NEO1: variants seen among roughly 807,000 people sequenced by gnomAD.
NEO1 encodes the protein neogenin.
NEO1 carries 63 observed loss-of-function variants against 159.7 expected under a neutral mutation model. The observed-to-expected ratio is 0.39, with a 90% CI of 0.32 to 0.49. NEO1 has a LOEUF of 0.49. NEO1 is among the 20% of genes least tolerant of loss of function. The pLI is 0.85. For synonymous variants in NEO1, 633 were observed against 662.0 expected (o/e 0.96, Z 0.67); for missense variants, 1,615 against 1,831.0 (o/e 0.88, Z 2.15).
At chr15:73,284,890 G>A (rs2041883716) in intron 23 of NEO1, among the ~76,000 whole-genome samples, 1 of 152,006 alleles carries the variant, frequency 6.6e-6, no homozygotes, top group African/African-American at 2.4e-5. Context: ...GCCCGGCCCT[G>A]TCTACTTTTA....
chr15:73,147,814 T>A (rs935367308), intron 5 of NEO1, among the ~76,000 whole-genome samples: 8 of 99,474 alleles, frequency 8.0e-5, no homozygotes, highest in Admixed American at 5.3e-4. Context: ...ATTGGTGGAA[T>A]GTCTTTTTTT....
intron 11 of NEO1, among the ~76,000 whole-genome samples, chr15:73,251,235 G>A (rs1168681553): frequency 6.6e-6 from 1 of 152,086 alleles, no homozygotes; most frequent in Admixed American, 6.5e-5. Context: ...GGGAGGCTTG[G>A]TGCAGTGGCT....
intron 9 of NEO1, among the ~76,000 whole-genome samples, chr15:73,247,772 C>T (rs1268984239): frequency 6.6e-6 from 1 of 152,156 alleles, no homozygotes; most frequent in Admixed American, 6.5e-5. Context: ...AAAGTGTAGG[C>T]ATAGACAGCC....
intron 1 of NEO1, among the ~76,000 whole-genome samples, chr15:73,071,447 T>G (rs942111330): frequency 6.6e-6 from 1 of 152,226 alleles, no homozygotes; most frequent in Non-Finnish European, 1.5e-5. Context: ...TGTTTGAGAA[T>G]GAACTCCTCC....
At chr15:73,133,900 A>C (rs541245715) in intron 4 of NEO1, among the ~76,000 whole-genome samples, 43 of 152,316 alleles carry the variant, frequency 2.8e-4, no homozygotes, top group African/African-American at 1.0e-3. Context: ...GTACTCACAT[A>C]TGCCAAATAT....
At chr15:73,060,199 CTTT>C (rs2067911468) in intron 1 of NEO1, among the ~76,000 whole-genome samples, 1 of 151,966 alleles carries the variant, frequency 6.6e-6, no homozygotes, top group African/African-American at 2.4e-5. Flanking sequence ...ATTTGAAAAT[CTTT>C]TTGGTTAATT....
At chr15:73,299,622 T>C (rs1377584818) in intron 27 of NEO1, among the ~76,000 whole-genome samples, 1 of 152,222 alleles carries the variant, frequency 6.6e-6, no homozygotes. Context: ...CCTGACCTCG[T>C]GATCCGCCCA....
In NEO1 at chr15:73,122,671, A is replaced by C; in HGVS notation, c.595A>C (p.Ile199Leu). Reference protein sequence around the residue: ...RQPLLLDDRVIKLPSGMLVIS... With the variant: ...RQPLLLDDRVLKLPSGMLVIS... ...ACCCCTTCTTCTGGATGATAGAGTT[A>C]TCAAACTTCCAAGTGGAATGCTGGT... is the stretch of plus-strand genomic sequence containing the variant. The change falls in exon 3 of 29, where the codon ATC (isoleucine) becomes CTC (leucine). Residue 199 changes from isoleucine (I) to leucine (L), a missense_variant. Physicochemically the swap from Ile to Leu is conservative, Grantham distance 5. This residue lies in a region of NEO1 where 1,018 missense variants were observed against 1,115.4 expected (regional missense o/e 0.91). Coordinates refer to ENST00000261908, the MANE Select transcript of NEO1 (RefSeq NM_002499.4). The C allele has an allele frequency of 6.2e-7, 1 of 1,614,172 alleles. No individual in the cohort carries two copies. Among genetic ancestry groups the C allele is most frequent in the Non-Finnish European group, 8.5e-7 (1 of 1,180,022 alleles).
At chr15:73,062,983 C>T (rs2068048630) in intron 1 of NEO1, among the ~76,000 whole-genome samples, 1 of 152,182 alleles carries the variant, frequency 6.6e-6, no homozygotes, top group Non-Finnish European at 1.5e-5. Flanking sequence ...GGGGCAAAGA[C>T]TTAGGCATAC....
intron 1 of NEO1, among the ~76,000 whole-genome samples, chr15:73,061,737 C>G (rs2067988745): frequency 6.6e-6 from 1 of 152,138 alleles, no homozygotes. Flanking sequence ...TAGCTATGGT[C>G]TATTTTATAT....
At chr15:73,265,700 C>A (rs1431115425) in intron 15 of NEO1, among the ~76,000 whole-genome samples, 1 of 152,124 alleles carries the variant, frequency 6.6e-6, no homozygotes, top group Non-Finnish European at 1.5e-5. Context: ...ACAGGAAGAC[C>A]AGGTGCCTCT....
intron 14 of NEO1, chr15:73,259,202 A>G (rs2150983173): frequency 4.5e-6 from 1 of 222,406 alleles, no homozygotes; most frequent in East Asian, 1.0e-4. Context: ...CTTTATTTCA[A>G]CTGCAGTTTC....
intron 7 of NEO1, among the ~76,000 whole-genome samples, chr15:73,210,200 G>A (rs929969600): frequency 6.6e-6 from 1 of 152,220 alleles, no homozygotes; most frequent in Non-Finnish European, 1.5e-5. Context: ...ATTGTGAACT[G>A]AGCTTTTACA....
chr15:73,127,230 C>CAAA (rs762924676), intron 4 of NEO1, among the ~76,000 whole-genome samples: 6 of 125,246 alleles, frequency 4.8e-5, no homozygotes, highest in Non-Finnish European at 6.8e-5. Context: ...GACGCCGTCT[C>CAAA]AAAAAAAAAA....
intron 7 of NEO1, among the ~76,000 whole-genome samples, chr15:73,214,682 AGTATAGTT>A (rs1346600014): frequency 6.6e-6 from 1 of 152,086 alleles, no homozygotes; most frequent in African/African-American, 2.4e-5. Flanking sequence ...ATGGCCTTAT[AGTATAGTT>A]TGAAATCAGG....
intron 7 of NEO1, among the ~76,000 whole-genome samples, chr15:73,193,947 G>C (rs186067570): frequency 2.2e-4 from 34 of 152,198 alleles, no homozygotes; most frequent in Admixed American, 3.9e-4. Flanking sequence ...ATGAAGATGG[G>C]AAGAGGTGTA....
chr15:73,262,402 C>A (rs1339613801), intron 15 of NEO1, among the ~76,000 whole-genome samples: 5 of 152,046 alleles, frequency 3.3e-5, no homozygotes, highest in African/African-American at 4.8e-5. Flanking sequence ...AAAACTCTTA[C>A]AACTCAATAA....
In NEO1 at chr15:73,253,433, A is replaced by G. The variant is rs776563065; in HGVS notation, c.1928A>G (p.Glu643Gly). Reference protein sequence around the residue: ...PSAAPQNLSLEVRNSKSIMIH... With the variant: ...PSAAPQNLSLGVRNSKSIMIH... ...GCTGCTCCTCAGAATCTGTCCTTGG[A>G]AGTGAGAAATTCAAAGGTAAAACTG... is the stretch of plus-strand genomic sequence containing the variant. Residue 643 changes from glutamate (E) to glycine (G), a missense_variant, in exon 12 of 29, where the codon GAA becomes GGA. Physicochemically the swap from Glu to Gly is moderately conservative, Grantham distance 98. Coordinates refer to ENST00000261908, the MANE Select transcript of NEO1 (RefSeq NM_002499.4). The G allele has an allele frequency of 2.5e-6, 4 of 1,597,186 alleles. No homozygotes were observed. The South Asian group carries it at 4.6e-5, about 18-fold the overall frequency.
intron 7 of NEO1, among the ~76,000 whole-genome samples, chr15:73,185,416 A>G (rs142387914): frequency 1.2e-3 from 178 of 152,266 alleles, no homozygotes; most frequent in African/African-American, 4.0e-3. Flanking sequence ...CAGTTTTGCA[A>G]TGAACCTAAA....
Sources: gnomAD v4.1 joint callset for allele counts (sites outside exome capture counted in the v4.1 genomes callset) on GRCh38, gnomAD v4.1.1 for gene constraint, gnomAD v4.1.1 regional missense constraint, MANE v1.5 for transcripts, NCBI Gene and HGNC (gene_info 2026-07-23, HGNC 2026-07-21) for gene names.